Variants in RBMS3 observed in about 807,000 individuals in gnomAD.
The protein encoded by RBMS3 is RNA-binding motif, single-stranded-interacting protein 3.
RBMS3 carries 27 observed loss-of-function variants against 66.8 expected under a neutral mutation model. The observed-to-expected ratio is 0.40, with a 90% CI of 0.30 to 0.56. The LOEUF is 0.56. Among genes scored for constraint, RBMS3 ranks in the 20% least tolerant of loss-of-function variants. The pLI, the probability that RBMS3 is intolerant of heterozygous loss-of-function variation, is 0.40. For missense variants in RBMS3, 513 were observed against 549.5 expected (o/e 0.93, Z 0.66); for synonymous variants, 188 against 183.0 (o/e 1.03, Z -0.22).
At chr3:29,398,533 A>C (rs966989448) in intron 1 of RBMS3, among the ~76,000 whole-genome samples, 16 of 152,088 alleles carry the variant, frequency 1.1e-4, no homozygotes, top group African/African-American at 3.6e-4. Context: ...CAAAAGTCAG[A>C]TTTTTCTGTG....
chr3:29,804,532 T>C (rs1010517224), intron 6 of RBMS3, among the ~76,000 whole-genome samples: 2 of 152,068 alleles, frequency 1.3e-5, no homozygotes, highest in Admixed American at 6.6e-5. Flanking sequence ...GTGCCAATCA[T>C]TGAGATTCAA....
chr3:29,598,293 G>C (rs1256225424), intron 4 of RBMS3, among the ~76,000 whole-genome samples: 1 of 151,960 alleles, frequency 6.6e-6, no homozygotes, highest in Non-Finnish European at 1.5e-5. Flanking sequence ...TTAAAACTGT[G>C]TACCCAGCTT....
At chr3:29,720,443 A>G (rs1412287318) in intron 4 of RBMS3, among the ~76,000 whole-genome samples, 1 of 152,154 alleles carries the variant, frequency 6.6e-6, no homozygotes, top group African/African-American at 2.4e-5. Context: ...TGGTAGTAGT[A>G]GTATTCTTGT....
chr3:29,787,184 A>G (rs2056849085), intron 6 of RBMS3, among the ~76,000 whole-genome samples: 1 of 152,032 alleles, frequency 6.6e-6, no homozygotes. Flanking sequence ...AAAAAAAAAT[A>G]GATGTTGGTG....
intron 6 of RBMS3, among the ~76,000 whole-genome samples, chr3:29,801,273 T>TTTTTTTCTTTC (rs777378854): frequency 1.8e-4 from 7 of 37,890 alleles, no homozygotes; most frequent in Non-Finnish European, 3.7e-4. Flanking sequence ...GCTTTTTTTC[T>TTTTTTTCTTTC]TTTTTTTTTT....
intron 3 of RBMS3, among the ~76,000 whole-genome samples, chr3:29,498,627 G>A (rs967833046): frequency 1.3e-5 from 2 of 152,080 alleles, no homozygotes; most frequent in East Asian, 1.9e-4. Context: ...CCTTGGACAA[G>A]GCACATAACA....
At chr3:29,953,759 C>G (rs1193377734) in intron 12 of RBMS3, among the ~76,000 whole-genome samples, 2 of 151,844 alleles carry the variant, frequency 1.3e-5, no homozygotes, top group Non-Finnish European at 2.9e-5. Context: ...CTCAGCTGGA[C>G]CCACACTCAT....
chr3:29,764,654 C>CATA, intron 6 of RBMS3, among the ~76,000 whole-genome samples: 1 of 151,942 alleles, frequency 6.6e-6, no homozygotes, highest in East Asian at 1.9e-4. Context: ...GTCAAAAAGA[C>CATA]GTATTGAAAG....
At chr3:29,419,939 G>C (rs1415760231) in intron 1 of RBMS3, among the ~76,000 whole-genome samples, 1 of 152,052 alleles carries the variant, frequency 6.6e-6, no homozygotes, top group African/African-American at 2.4e-5. Flanking sequence ...TATGCTTTTT[G>C]CTTTGGCGAT....
intron 10 of RBMS3, among the ~76,000 whole-genome samples, chr3:29,907,055 A>G (rs879423874): frequency 6.6e-6 from 1 of 152,138 alleles, no homozygotes; most frequent in Non-Finnish European, 1.5e-5. Context: ...ATCAGTGACC[A>G]CATATTATAT....
chr3:29,587,853 A>C (rs1156723918), intron 4 of RBMS3, among the ~76,000 whole-genome samples: 5 of 152,010 alleles, frequency 3.3e-5, no homozygotes, highest in Non-Finnish European at 5.9e-5. Context: ...TAGAATATGT[A>C]TTCTAGAACC....
Position 29,587,102 on chromosome 3 carries a change from G to A in RBMS3, c.308-12G>A. On this transcript the variant is annotated splice_polypyrimidine_tract_variant and intron_variant, in intron 3 of 14. Coordinates refer to ENST00000383767, the MANE Select transcript of RBMS3 (RefSeq NM_001003793.3). ...TTGTGAATATTAACAAGGGGATTTT[G>A]TGTTTTCACAGGTTATGGTTTTGTA... The A allele has an allele frequency of 1.3e-6, 2 of 1,595,044 alleles. No individual in the cohort carries two copies. The highest frequency in any genetic ancestry group is 1.7e-6 in the Non-Finnish European group (2 of 1,170,206).
chr3:29,671,077 CATTTGCTGTTCTGCAAT>C (rs1004067034), intron 4 of RBMS3, among the ~76,000 whole-genome samples: 3 of 152,194 alleles, frequency 2.0e-5, no homozygotes, highest in Non-Finnish European at 2.9e-5. Context: ...CAGACAGCAA[CATTTGCTGTTCTGCAAT>C]ATTTGCTGTT....
chr3:29,313,232 T>C (rs981667978), intron 1 of RBMS3, among the ~76,000 whole-genome samples: 3 of 151,798 alleles, frequency 2.0e-5, no homozygotes, highest in South Asian at 2.1e-4. Context: ...TTTCATTTCT[T>C]TGTTGAAACA....
At chr3:29,983,343 C>A (rs1448766226) in intron 12 of RBMS3, among the ~76,000 whole-genome samples, 2 of 151,552 alleles carry the variant, frequency 1.3e-5, no homozygotes. Context: ...GAATACAGCA[C>A]ACCAATGGGT....
chr3:29,410,137 A>G (rs1253896394), intron 1 of RBMS3, among the ~76,000 whole-genome samples: 3 of 152,238 alleles, frequency 2.0e-5, no homozygotes, highest in African/African-American at 7.2e-5. Context: ...TATTTTGGAT[A>G]TGTTTCACTA....
intron 3 of RBMS3, among the ~76,000 whole-genome samples, chr3:29,557,958 A>G (rs1047422187): frequency 6.6e-6 from 1 of 152,184 alleles, no homozygotes; most frequent in Non-Finnish European, 1.5e-5. Context: ...CATTGCTTTT[A>G]GTAAACAGGA....
chr3:29,670,763 T>G (rs1360081606), intron 4 of RBMS3, among the ~76,000 whole-genome samples: 1 of 152,154 alleles, frequency 6.6e-6, no homozygotes, highest in Non-Finnish European at 1.5e-5. Context: ...AAGCTCCAAC[T>G]GGGTGGAGCC....
At chr3:29,511,161 G>A (rs2044390044) in intron 3 of RBMS3, among the ~76,000 whole-genome samples, 1 of 152,134 alleles carries the variant, frequency 6.6e-6, no homozygotes, top group South Asian at 2.1e-4. Flanking sequence ...GTGGGACATG[G>A]CGGCATGCAC....
Sources: gnomAD v4.1 joint callset for allele counts (sites outside exome capture counted in the v4.1 genomes callset) on GRCh38, gnomAD v4.1.1 for gene constraint, MANE v1.5 for transcripts, NCBI Gene and HGNC (gene_info 2026-07-23, HGNC 2026-07-21) for gene names.